AAK1: variants seen among roughly 807,000 people sequenced by gnomAD.
AAK1 encodes AP2-associated protein kinase 1.
A neutral mutation model predicts 116.0 loss-of-function variants in AAK1; 37 were observed. The ratio of observed to expected loss-of-function variants is 0.32; its 90% confidence interval spans 0.25 to 0.42. AAK1 has a LOEUF of 0.42. Ranked by LOEUF, AAK1 falls within the 10% of genes least tolerant of loss-of-function variation. AAK1 has a pLI of 1.00. For missense variants in AAK1, 919 were observed against 1,170.6 expected, an observed-to-expected ratio of 0.79 and a Z score of 3.14; for synonymous variants, 458 against 439.9, an observed-to-expected ratio of 1.04 and a Z score of -0.51.
chr2:69,500,698 T>TATATATATGTATATATATAC, intron 16 of AAK1, among the ~76,000 whole-genome samples: 41 of 65,090 alleles, frequency 6.3e-4, no homozygotes, highest in African/African-American at 3.1e-3. Flanking sequence ...TATATATATA[T>TATATATATGTATATATATAC]ACACACACAC....
intron 20 of AAK1, among the ~76,000 whole-genome samples, chr2:69,478,074 A>T (rs1345214329): frequency 1.3e-5 from 2 of 152,268 alleles, no homozygotes; most frequent in East Asian, 1.9e-4. Flanking sequence ...ATAGTAGATT[A>T]GAAAGAGAAA....
At chr2:69,513,474 C>T (rs1042679436) in intron 13 of AAK1, among the ~76,000 whole-genome samples, 1 of 152,118 alleles carries the variant, frequency 6.6e-6, no homozygotes, top group Non-Finnish European at 1.5e-5. Context: ...TGCCTGCCAC[C>T]ACGCCCGGCT....
chr2:69,613,793 C>A lies in AAK1; in HGVS notation c.163+29085G>T, dbSNP rs960371389. Reference sequence around the variant, plus strand: ...CCTGGTTGTTCATTTGTATCCTTTACAATAAACTGATAAACATAAAGTATT... The same window carrying A: ...CCTGGTTGTTCATTTGTATCCTTTAAAATAAACTGATAAACATAAAGTATT... On this transcript the variant is annotated intron_variant, in intron 2 of 21. Coordinates refer to ENST00000409085, the MANE Select transcript of AAK1 (RefSeq NM_014911.5). Among the ~76,000 whole-genome samples the A allele has an allele frequency of 2.6e-5, 4 of 152,154 alleles. No homozygotes were observed. The South Asian group carries it at 8.3e-4, about 31-fold the overall frequency.
At chr2:69,489,733 G>C (rs954781311) in intron 17 of AAK1, among the ~76,000 whole-genome samples, 6 of 152,116 alleles carry the variant, frequency 3.9e-5, no homozygotes, top group Admixed American at 1.3e-4. Context: ...CCCTAAAAAA[G>C]AAATAAAATA....
Position 69,492,518 on chromosome 2 carries a change from CTT to C in AAK1, c.2365+3465_2365+3466del, listed in dbSNP as rs987331929. On this transcript the variant is annotated intron_variant, in intron 17 of 21. Transcript: ENST00000409085. ...CGTGAGCCACCGTGCCTGGCCAATT[CTT>C]TTTTTTTTTTTTTTTTTTTTGAGAT... is the stretch of plus-strand genomic sequence containing the variant. Among the ~76,000 whole-genome samples the C allele has an allele frequency of 1.3e-4, 11 of 83,394 alleles. No individual in the cohort carries two copies. The Admixed American group carries it at 1.7e-3, about 13-fold the overall frequency. The allele number at this position is 83,394 out of a possible 152,430, so 54.7% of individuals were successfully genotyped here.
chr2:69,579,478 C>CT (rs1672455287), intron 2 of AAK1, among the ~76,000 whole-genome samples: 1 of 152,144 alleles, frequency 6.6e-6, no homozygotes, highest in African/African-American at 2.4e-5. Flanking sequence ...ACTCAGGAGA[C>CT]TGAGGTGGGA....
intron 17 of AAK1, among the ~76,000 whole-genome samples, chr2:69,495,577 C>T (rs999085835): frequency 1.4e-4 from 22 of 152,114 alleles, no homozygotes; most frequent in African/African-American, 5.3e-4. Context: ...GAACAGCAGT[C>T]ACCCACAATC....
intron 17 of AAK1, among the ~76,000 whole-genome samples, chr2:69,488,268 T>A (rs897723561): frequency 6.6e-6 from 1 of 151,984 alleles, no homozygotes; most frequent in African/African-American, 2.4e-5. Flanking sequence ...AACCTCAGCA[T>A]CATGCTATGT....
intron 15 of AAK1, among the ~76,000 whole-genome samples, chr2:69,506,865 T>C (rs1676203707): frequency 9.6e-6 from 1 of 103,664 alleles, no homozygotes; most frequent in Admixed American, 1.2e-4. Context: ...TGTGTGCATG[T>C]GCCTGTGTGT....
intron 2 of AAK1, among the ~76,000 whole-genome samples, chr2:69,609,166 A>G (rs1470270424): frequency 6.6e-6 from 1 of 152,134 alleles, no homozygotes; most frequent in Non-Finnish European, 1.5e-5. Context: ...GTTCAAGGCC[A>G]GCCTGGCCAA....
intron 2 of AAK1, among the ~76,000 whole-genome samples, chr2:69,615,462 G>A (rs992805664): frequency 6.6e-6 from 1 of 152,210 alleles, no homozygotes; most frequent in African/African-American, 2.4e-5. Context: ...GATGTTTTAA[G>A]AACTGGCCTG....
intron 2 of AAK1, among the ~76,000 whole-genome samples, chr2:69,572,184 T>A (rs1357934218): frequency 6.6e-6 from 1 of 152,162 alleles, no homozygotes; most frequent in Non-Finnish European, 1.5e-5. Flanking sequence ...AGTGAGGCAC[T>A]TGCCCTGAGC....
Position 69,532,260 on chromosome 2 carries a change from G to A in AAK1, c.535-98C>T, listed in dbSNP as rs540389784. 114 of 1,433,750 alleles carry A rather than the reference G, an allele frequency of 8.0e-5. 1 individual carries two copies. The Middle Eastern group carries it at 1.2e-3, about 16-fold the overall frequency. 88.8% of individuals were successfully genotyped at this position (1,433,750 alleles called of 1,614,324 possible). ...CACATAAATAAACGTTTTATTTCTG[G>A]CAGTCTCATTAATGTGCACAGGGAA... is the stretch of plus-strand genomic sequence containing the variant. On this transcript the variant is annotated intron_variant, in intron 5 of 21. Coordinates refer to ENST00000409085, the MANE Select transcript of AAK1 (RefSeq NM_014911.5).
At chr2:69,526,128 G>T (rs1219557863) in intron 9 of AAK1, among the ~76,000 whole-genome samples, 2 of 152,180 alleles carry the variant, frequency 1.3e-5, no homozygotes, top group African/African-American at 4.8e-5. Context: ...AGCTGGTCCG[G>T]TTTGCTTTGC....
Position 69,468,308 on chromosome 2 carries a change from T to C in AAK1, c.*7561A>G, listed in dbSNP as rs1674555165. ...TGTCTCAGTGATACCAAGATGATAA[T>C]TTCTGGGAGGAAATTCAAATAAAAG... On this transcript the variant is annotated 3_prime_UTR_variant, in exon 22 of 22. Transcript: ENST00000409085. The C allele has an allele frequency of 1.0e-6, 1 of 985,244 alleles. No individual in the cohort carries two copies. The highest frequency in any genetic ancestry group is 6.2e-5 in the Admixed American group (1 of 16,260). The allele number at this position is 985,244 out of a possible 1,614,324, so 61.0% of individuals were successfully genotyped here.
intron 1 of AAK1, 121 bp downstream of exon 1, chr2:69,643,454 G>T: frequency 8.4e-7 from 1 of 1,194,874 alleles, no homozygotes; most frequent in Non-Finnish European, 1.0e-6. Flanking sequence ...CCCCCGAGCC[G>T]GGAGCTCGGA....
At chr2:69,524,757 T>C (rs1669948036) in intron 10 of AAK1, among the ~76,000 whole-genome samples, 2 of 152,250 alleles carry the variant, frequency 1.3e-5, no homozygotes, top group African/African-American at 4.8e-5. Context: ...TAAAGTCTGC[T>C]GTTGCCTCAT....
At chr2:69,516,325 A>C (rs1271735293) in intron 12 of AAK1, among the ~76,000 whole-genome samples, 13 of 152,004 alleles carry the variant, frequency 8.6e-5, no homozygotes, top group Non-Finnish European at 1.5e-4. Context: ...AAAAAAAAAA[A>C]AACAACAAAA....
At chr2:69,515,396 G>A (rs191059299) in intron 12 of AAK1, among the ~76,000 whole-genome samples, 1 of 152,092 alleles carries the variant, frequency 6.6e-6, no homozygotes, top group African/African-American at 2.4e-5. Flanking sequence ...AGCAATCTCG[G>A]CTCACTGCAC....
Sources: allele counts gnomAD v4.1 joint callset (sites outside exome capture counted in the v4.1 genomes callset), GRCh38; gene constraint gnomAD v4.1.1; transcripts MANE v1.5; gene names NCBI Gene and HGNC (gene_info 2026-07-23, HGNC 2026-07-21).